EDNRA: variants seen among roughly 807,000 people sequenced by gnomAD.
The protein encoded by EDNRA is endothelin-1 receptor.
A neutral mutation model predicts 41.4 loss-of-function variants in EDNRA; 11 were observed. The observed-to-expected ratio is 0.27, with a 90% CI of 0.17 to 0.44. The LOEUF is 0.44. Ranked by LOEUF, EDNRA falls within the 20% of genes least tolerant of loss-of-function variation. EDNRA has a pLI of 1.00. For synonymous variants in EDNRA, 172 were observed against 183.0 expected (o/e 0.94, Z 0.49); for missense variants, 294 against 531.0 (o/e 0.55, Z 4.39).
intron 2 of EDNRA, among the ~76,000 whole-genome samples, chr4:147,501,652 C>T (rs1729520306): frequency 6.6e-6 from 1 of 152,152 alleles, no homozygotes; most frequent in South Asian, 2.1e-4. Flanking sequence ...CTGTACATTG[C>T]TTTTTTCAAT....
At chr4:147,522,635 C>A (rs1015494898) in intron 3 of EDNRA, among the ~76,000 whole-genome samples, 3 of 152,076 alleles carry the variant, frequency 2.0e-5, no homozygotes, top group Non-Finnish European at 4.4e-5. Flanking sequence ...AAGAGATTAA[C>A]CAAGTCAGCA....
intron 3 of EDNRA, among the ~76,000 whole-genome samples, chr4:147,523,467 T>TTTG (rs371661090): frequency 0.16 from 23,416 of 148,662 alleles, 2,879 homozygotes; most frequent in African/African-American, 0.31. Context: ...GTTTGTTTTT[T>TTTG]TTTGTTGTTG....
chr4:147,538,685 G>A (rs1436808706), intron 5 of EDNRA, among the ~76,000 whole-genome samples: 1 of 151,974 alleles, frequency 6.6e-6, no homozygotes, highest in Non-Finnish European at 1.5e-5. Flanking sequence ...TCATTACTCC[G>A]GAGCCATATC....
intron 2 of EDNRA, among the ~76,000 whole-genome samples, chr4:147,509,095 G>C (rs1729831943): frequency 6.6e-6 from 1 of 151,978 alleles, no homozygotes; most frequent in Non-Finnish European, 1.5e-5. Context: ...ATTCTTTTTT[G>C]GTACAGTTTT....
intron 5 of EDNRA, among the ~76,000 whole-genome samples, chr4:147,537,882 A>C (rs923846186): frequency 5.9e-5 from 9 of 152,162 alleles, no homozygotes; most frequent in African/African-American, 2.2e-4. Context: ...AGTGTGGCTG[A>C]AAGTCCTGCA....
Position 147,533,905 on chromosome 4 carries a change from G to T in EDNRA, c.747+1201G>T, listed in dbSNP as rs190975371. Among the ~76,000 whole-genome samples the T allele has an allele frequency of 5.3e-5, 8 of 152,256 alleles. No homozygotes were observed. The East Asian group carries it at 1.5e-3, about 29-fold the overall frequency. ...CCCTTCAGGCATGGGTGGGCTAGACGGTTGCAGTAAAGGGTATGAGTTGAA... is the reference window on the plus strand; with the variant it reads ...CCCTTCAGGCATGGGTGGGCTAGACTGTTGCAGTAAAGGGTATGAGTTGAA... On this transcript the variant is annotated intron_variant, in intron 4 of 7. Coordinates refer to ENST00000651419, the MANE Select transcript of EDNRA (RefSeq NM_001957.4).
At chr4:147,496,987 T>C (rs944933823) in intron 2 of EDNRA, among the ~76,000 whole-genome samples, 52 of 152,134 alleles carry the variant, frequency 3.4e-4, no homozygotes, top group African/African-American at 1.2e-3. Context: ...ATATCTGTCA[T>C]ATTTATGTAT....
intron 2 of EDNRA, among the ~76,000 whole-genome samples, chr4:147,504,957 C>CAAAAAAAAAA (rs57911108): frequency 0.028 from 1,083 of 38,778 alleles, 155 homozygotes; most frequent in African/African-American, 0.066. Context: ...GACCCTGTCT[C>CAAAAAAAAAA]AAAAAAAAAA....
chr4:147,492,783 A>T (rs765443570), intron 2 of EDNRA: 1 of 152,164 alleles, frequency 6.6e-6, no homozygotes, highest in Non-Finnish European at 1.5e-5. Flanking sequence ...TACATATAAA[A>T]TGACAGAGTG....
chr4:147,515,374 G>C (rs1357879857), intron 2 of EDNRA, among the ~76,000 whole-genome samples: 1 of 152,096 alleles, frequency 6.6e-6, no homozygotes, highest in Non-Finnish European at 1.5e-5. Flanking sequence ...GTGGTGGGGG[G>C]AAGGGGGATG....
chr4:147,508,757 A>G (rs984192407), intron 2 of EDNRA, among the ~76,000 whole-genome samples: 1 of 152,224 alleles, frequency 6.6e-6, no homozygotes, highest in Non-Finnish European at 1.5e-5. Flanking sequence ...TCAATTGACA[A>G]TAAATATAAG....
intron 2 of EDNRA, among the ~76,000 whole-genome samples, chr4:147,518,549 C>G (rs762310640): frequency 2.0e-5 from 3 of 151,964 alleles, no homozygotes; most frequent in Non-Finnish European, 4.4e-5. Flanking sequence ...GGGTCTTAGC[C>G]AAAAATCACA....
chr4:147,507,559 T>C (rs1729762114), intron 2 of EDNRA, among the ~76,000 whole-genome samples: 1 of 152,174 alleles, frequency 6.6e-6, no homozygotes, highest in Non-Finnish European at 1.5e-5. Flanking sequence ...AAGGGAAATA[T>C]GGGTAGAAGA....
chr4:147,522,943 C>A (rs1178730273), intron 3 of EDNRA, among the ~76,000 whole-genome samples: 1 of 152,144 alleles, frequency 6.6e-6, no homozygotes, highest in Admixed American at 6.6e-5. Flanking sequence ...AGTGGTTTGG[C>A]CTGGAAACAT....
intron 1 of EDNRA, among the ~76,000 whole-genome samples, chr4:147,483,719 ATTT>A (rs1728849336): frequency 7.7e-6 from 1 of 129,986 alleles, no homozygotes; most frequent in African/African-American, 3.7e-5. Context: ...CTTTTTATTT[ATTT>A]AATTTTTTTT....
intron 2 of EDNRA, among the ~76,000 whole-genome samples, chr4:147,516,362 G>T (rs1244993681): frequency 6.6e-6 from 1 of 152,148 alleles, no homozygotes; most frequent in Non-Finnish European, 1.5e-5. Context: ...CTCGATGGTA[G>T]GTTTCTTTCA....
intron 3 of EDNRA, among the ~76,000 whole-genome samples, chr4:147,529,139 G>GGATT (rs1354470582): frequency 6.6e-6 from 1 of 152,236 alleles, no homozygotes; most frequent in Non-Finnish European, 1.5e-5. Context: ...ATTTGCTGAA[G>GGATT]GATTGGATGT....
chr4:147,532,421 GA>G, intron 3 of EDNRA, 84 bp from the exon 4 acceptor site: 1 of 1,214,626 alleles, frequency 8.2e-7, no homozygotes, highest in Non-Finnish European at 1.2e-6. Context: ...CAATGAGGAG[GA>G]ACTTCCCAGC....
chr4:147,542,063 A>G (rs1026714993), intron 7 of EDNRA, among the ~76,000 whole-genome samples: 2 of 152,166 alleles, frequency 1.3e-5, no homozygotes, highest in African/African-American at 4.8e-5. Context: ...GGGGAATAGC[A>G]TAAAATGGGA....
Sources: gnomAD v4.1 joint callset for allele counts (sites outside exome capture counted in the v4.1 genomes callset) on GRCh38, gnomAD v4.1.1 for gene constraint, MANE v1.5 for transcripts, NCBI Gene and HGNC (gene_info 2026-07-23, HGNC 2026-07-21) for gene names.